COLEC12: variants seen among roughly 807,000 people sequenced by gnomAD.
COLEC12 encodes collectin-12.
A neutral mutation model predicts 71.1 loss-of-function variants in COLEC12; 33 were observed. The ratio of observed to expected loss-of-function variants is 0.46; its 90% CI spans 0.35 to 0.62. The LOEUF (loss-of-function observed/expected upper bound fraction) is 0.62, where lower values mean the gene tolerates loss of function less well. Ranked by LOEUF, COLEC12 falls within the 20% of genes least tolerant of loss-of-function variation. The pLI is 0.00. For missense variants in COLEC12, 765 were observed against 916.1 expected (o/e 0.84, Z 2.13); for synonymous variants, 350 against 353.0 (o/e 0.99, Z 0.10).
At chr18:361,943 T>C (rs1202428865) in intron 2 of COLEC12, among the ~76,000 whole-genome samples, 2 of 152,178 alleles carry the variant, frequency 1.3e-5, no homozygotes, top group Non-Finnish European at 2.9e-5. Flanking sequence ...AAGATTTGGT[T>C]AGAGCAGAGA....
intron 2 of COLEC12, among the ~76,000 whole-genome samples, chr18:426,359 CTCTGCATGTTTTGGGG>C (rs1325661049): frequency 1.3e-5 from 2 of 152,168 alleles, no homozygotes; most frequent in African/African-American, 2.4e-5. Context: ...TCTATGAGGT[CTCTGCATGTTTTGGGG>C]TCTGCGAGCA....
rs964660414 is a variant in COLEC12 at position 331,769 on chromosome 18, T to C, written c.1962A>G (p.Ile654Met). The change falls in exon 8 of 10, where the codon ATA becomes ATG. Residue 654 changes from isoleucine (I) to methionine (M), a missense_variant. Physicochemically the swap from Ile to Met is conservative, Grantham distance 10 (BLOSUM62 1). Transcript: ENST00000400256. ...TCTCTCTCCCTACCATCTGTTTTTT[T>C]ATCCATTGCTGAAAAACAAAGCAGG... is the stretch of plus-strand genomic sequence containing the variant. ...FINTREEQQW[I>M]KKQMVGRESH... 2.5e-6 allele frequency: 4 copies of C among 1,610,412 alleles called. No homozygotes were observed. The highest frequency in any genetic ancestry group is 3.4e-6 in the Non-Finnish European group (4 of 1,176,636).
At chr18:462,861 A>C (rs968945877) in intron 2 of COLEC12, among the ~76,000 whole-genome samples, 1 of 152,218 alleles carries the variant, frequency 6.6e-6, no homozygotes, top group African/African-American at 2.4e-5. Context: ...GAAATGTTGA[A>C]GCCTATACGT....
intron 2 of COLEC12, among the ~76,000 whole-genome samples, chr18:401,839 G>C (rs1915692899): frequency 6.6e-6 from 1 of 152,138 alleles, no homozygotes. Context: ...CAGAAAGGCT[G>C]AACACACTGG....
chr18:402,265 C>G (rs1278528898), intron 2 of COLEC12, among the ~76,000 whole-genome samples: 4 of 152,118 alleles, frequency 2.6e-5, no homozygotes, highest in Non-Finnish European at 5.9e-5. Flanking sequence ...CTCTATTGGC[C>G]TACAACCAGT....
intron 2 of COLEC12, among the ~76,000 whole-genome samples, chr18:397,916 C>G (rs1182071423): frequency 2.0e-5 from 3 of 151,216 alleles, no homozygotes; most frequent in Non-Finnish European, 4.4e-5. Context: ...GATAGTTTCA[C>G]AGTTGATTCC....
chr18:415,314 A>G (rs1281485253), intron 2 of COLEC12, among the ~76,000 whole-genome samples: 1 of 152,102 alleles, frequency 6.6e-6, no homozygotes, highest in African/African-American at 2.4e-5. Flanking sequence ...TCCTACCTAG[A>G]TTTTCTATCC....
At position 346,297 on chromosome 18, in the gene COLEC12, T is replaced by G. The variant is rs374649807; in HGVS notation, c.1325A>C (p.Gln442Pro). 2 of 1,600,428 alleles carry G rather than the reference T, an allele frequency of 1.2e-6. No individual in the cohort carries two copies. The highest frequency in any genetic ancestry group is 2.7e-5 in the African/African-American group (2 of 74,520). ...ACAAATTCAGAATTTTGACTTACCT[T>G]GTAGTATTGTAAAATTCTTGATGAG... Reference protein sequence around the residue: ...GQLIKNFTILQGPPGPRGPRG... With the variant: ...GQLIKNFTILPGPPGPRGPRG... Residue 442 changes from glutamine to proline, a missense_variant and splice_region_variant, in exon 5 of 10, where the codon CAA becomes CCA. Transcript: ENST00000400256. The surrounding 1 kb of genome is among the most constrained non-coding windows in gnomAD (Gnocchi z 4.0).
In COLEC12 at chr18:442,916, C is replaced by G. The variant is rs576871147; in HGVS notation, c.58+37791G>C. Among the ~76,000 whole-genome samples the G allele has an allele frequency of 1.9e-4, 29 of 152,218 alleles. 2 individuals are homozygous for G. In the South Asian group the frequency reaches 6.0e-3, roughly 32 times the overall value. ...GTGGAGCTTGCAGTGAGCCGAGATC[C>G]CGCCACTGCACTCCAGCCTGGGCGA... is the stretch of plus-strand genomic sequence containing the variant. On this transcript the variant is annotated intron_variant, in intron 2 of 9. Coordinates refer to ENST00000400256, the MANE Select transcript of COLEC12 (RefSeq NM_130386.3).
intron 5 of COLEC12, among the ~76,000 whole-genome samples, chr18:345,209 C>T (rs1914344749): frequency 6.6e-6 from 1 of 152,232 alleles, no homozygotes; most frequent in Non-Finnish European, 1.5e-5. Flanking sequence ...CAGCATCTTC[C>T]ACCAGTACTT....
At chr18:444,357 G>C (rs1419847069) in intron 2 of COLEC12, among the ~76,000 whole-genome samples, 1 of 152,164 alleles carries the variant, frequency 6.6e-6, no homozygotes, top group East Asian at 1.9e-4. Flanking sequence ...CACTGGGATA[G>C]AGTCTAGAAT....
Position 493,641 on chromosome 18 carries a change from T to A in COLEC12, c.7+6867A>T, listed in dbSNP as rs979770270. 2.0e-5 allele frequency among the ~76,000 whole-genome samples: 3 copies of A among 152,222 alleles called. No homozygotes were observed. The East Asian group carries it at 5.8e-4, about 29-fold the overall frequency. ...GAGCACAGAAGCTATATTTTATTCATTTTATTTGGCATTTCTAGAGGGCCT... is the reference window on the plus strand; with the variant it reads ...GAGCACAGAAGCTATATTTTATTCAATTTATTTGGCATTTCTAGAGGGCCT... On this transcript the variant is annotated intron_variant, in intron 1 of 9. Transcript: ENST00000400256.
intron 2 of COLEC12, among the ~76,000 whole-genome samples, chr18:387,996 T>G (rs1254122759): frequency 6.6e-6 from 1 of 152,226 alleles, no homozygotes; most frequent in Non-Finnish European, 1.5e-5. Context: ...AAGTCCGTTT[T>G]GGCCTATAGT....
At chr18:433,878 C>T (rs1355587261) in intron 2 of COLEC12, among the ~76,000 whole-genome samples, 10 of 150,924 alleles carry the variant, frequency 6.6e-5, no homozygotes, top group South Asian at 2.1e-4. Context: ...GCAAGAGGAT[C>T]GCTTGAGCCC....
intron 2 of COLEC12, among the ~76,000 whole-genome samples, chr18:381,680 A>C (rs1464454558): frequency 6.6e-6 from 1 of 152,234 alleles, no homozygotes; most frequent in Non-Finnish European, 1.5e-5. Context: ...ATGAATGAGA[A>C]TATTCACTAA....
At chr18:446,553 AAT>A (rs1491156103) in intron 2 of COLEC12, among the ~76,000 whole-genome samples, 124 of 71,930 alleles carry the variant, frequency 1.7e-3, no homozygotes, top group African/African-American at 5.8e-3. Flanking sequence ...AAAAAAAAAA[AAT>A]TTTTTTTTTT....
At chr18:474,012 G>C (rs944340986) in intron 2 of COLEC12, among the ~76,000 whole-genome samples, 5 of 152,210 alleles carry the variant, frequency 3.3e-5, no homozygotes, top group Admixed American at 6.5e-5. Context: ...CAGGGCTCCA[G>C]TGTTCAATAT....
chr18:467,361 G>T (rs1917108350), intron 2 of COLEC12, among the ~76,000 whole-genome samples: 2 of 152,232 alleles, frequency 1.3e-5, no homozygotes, highest in Non-Finnish European at 2.9e-5. Flanking sequence ...ACCCTTTTGT[G>T]TATATGGATT....
At chr18:393,512 A>G (rs551630531) in intron 2 of COLEC12, among the ~76,000 whole-genome samples, 1 of 152,316 alleles carries the variant, frequency 6.6e-6, no homozygotes, top group South Asian at 2.1e-4. Context: ...TATATAAACA[A>G]GCCACTCTCT....
Sources: gnomAD v4.1 joint callset for allele counts (sites outside exome capture counted in the v4.1 genomes callset) on GRCh38, gnomAD v4.1.1 for gene constraint, Gnocchi (gnomAD v3.1) non-coding constraint, MANE v1.5 for transcripts, NCBI Gene and HGNC (gene_info 2026-07-23, HGNC 2026-07-21) for gene names.